The following INPP5D variants were observed in gnomAD, a reference collection of about 807,000 sequenced individuals.
INPP5D encodes phosphatidylinositol 3,4,5-trisphosphate 5-phosphatase 1.
Under a neutral mutation model 122.9 loss-of-function variants are expected in INPP5D, and 33 were observed. The ratio of observed to expected loss-of-function variants is 0.27; its 90% CI spans 0.20 to 0.36. INPP5D has a LOEUF of 0.36. Among genes scored for constraint, INPP5D ranks in the 10% least tolerant of loss-of-function variants. INPP5D has a pLI of 1.00. For synonymous variants in INPP5D, 584 were observed against 576.2 expected, an observed-to-expected ratio of 1.01 and a Z score of -0.19; for missense variants, 1,053 against 1,412.7, an observed-to-expected ratio of 0.75 and a Z score of 4.08.
At chr2:233,153,156 A>G (rs1186979340) in intron 9 of INPP5D, among the ~76,000 whole-genome samples, 1 of 152,188 alleles carries the variant, frequency 6.6e-6, no homozygotes. Flanking sequence ...ACTGACTCTG[A>G]TGGAATAATA....
rs1439194337 is a variant in INPP5D, at chr2:233,189,690, G to A, written c.2359-160G>A. Among the ~76,000 whole-genome samples the A allele has an allele frequency of 6.6e-6, 1 of 152,120 alleles. No individual in the cohort carries two copies. The highest frequency in any genetic ancestry group is 1.5e-5 in the Non-Finnish European group (1 of 67,998). On this transcript the variant is annotated intron_variant, in intron 21 of 26. Coordinates refer to ENST00000445964, the MANE Select transcript of INPP5D (RefSeq NM_001017915.3). The surrounding 1 kb of genome is among the most constrained non-coding windows in gnomAD (Gnocchi z 5.6). ...CCCCACCTTGCTGGACAGGGTGTAT[G>A]TGAAAGCTATACCCCACCTGCTCTC...
Position 233,182,424 on chromosome 2 carries a change from A to G in INPP5D, c.2086A>G (p.Ile696Val), listed in dbSNP as rs374965360. 4 of 1,613,612 alleles carry G rather than the reference A, an allele frequency of 2.5e-6. No homozygotes were observed. The African/African-American group carries it at 4.0e-5, about 16-fold the overall frequency. ...CTCCCCTGCAGGCAGTACCAGCGAC[A>G]TCATGACGAGTGACCACAGCCCTGT... Reference protein sequence around the residue: ...VCQSYGSTSDIMTSDHSPVFA... With the variant: ...VCQSYGSTSDVMTSDHSPVFA... Residue 696 changes from isoleucine to valine, a missense_variant, in exon 19 of 27, where the codon ATC becomes GTC. Ile to Val is a conservative substitution (Grantham distance 29). This residue lies in a region of INPP5D where 258 missense variants were observed against 439.1 expected (regional missense o/e 0.59). Coordinates refer to ENST00000445964, the MANE Select transcript of INPP5D (RefSeq NM_001017915.3).
chr2:233,084,712 C>T (rs1051758876), intron 2 of INPP5D, among the ~76,000 whole-genome samples: 9 of 152,214 alleles, frequency 5.9e-5, no homozygotes, highest in Admixed American at 2.0e-4. Context: ...TCTGAGCCGC[C>T]GGGCAAAGGA....
chr2:233,165,549 A>T (rs1337949123), intron 13 of INPP5D, among the ~76,000 whole-genome samples: 3 of 129,330 alleles, frequency 2.3e-5, no homozygotes, highest in Non-Finnish European at 5.0e-5. Context: ...TGAGTGTGTG[A>T]GTGTCTATGT....
chr2:233,088,734 G>A lies in INPP5D; in HGVS notation c.198+9336G>A, dbSNP rs59721961. On this transcript the variant is annotated intron_variant, in intron 2 of 26. Coordinates refer to ENST00000445964, the MANE Select transcript of INPP5D (RefSeq NM_001017915.3). ...TCGCTGACACCAACATGGGGTCACC[G>A]GGCAGAGGCCCCGGCCCATGACTGG... Among the ~76,000 whole-genome samples the A allele has an allele frequency of 4.0e-3, 613 of 152,344 alleles. 3 individuals are homozygous for A. The highest frequency in any genetic ancestry group is 0.014 in the African/African-American group (589 of 41,586).
chr2:233,095,070 C>A (rs559829276), intron 2 of INPP5D, among the ~76,000 whole-genome samples: 1 of 152,320 alleles, frequency 6.6e-6, no homozygotes, highest in Non-Finnish European at 1.5e-5. Flanking sequence ...GAAGAGGGAA[C>A]TGCTTAAATA....
In INPP5D at chr2:233,189,160, C is replaced by T. The variant is rs552635423; in HGVS notation, c.2359-690C>T. On this transcript the variant is annotated intron_variant, in intron 21 of 26. Transcript: ENST00000445964. The surrounding 1 kb of genome is among the most constrained non-coding windows in gnomAD (Gnocchi z 5.6). ...TGTGCAAAGCCTGTTAGCAGCCACC[C>T]CCGCTGCCAGCCAGGCCAGCAGGGC... Among the ~76,000 whole-genome samples the T allele has an allele frequency of 1.7e-4, 26 of 152,318 alleles. No individual in the cohort carries two copies. The South Asian group carries it at 5.4e-3, about 32-fold the overall frequency.
chr2:233,147,873 A>G (rs1471348479), intron 9 of INPP5D, among the ~76,000 whole-genome samples: 1 of 152,182 alleles, frequency 6.6e-6, no homozygotes, highest in Non-Finnish European at 1.5e-5. Context: ...CTAAACTGTG[A>G]GTACATGGAC....
intron 13 of INPP5D, among the ~76,000 whole-genome samples, chr2:233,168,484 G>T (rs1487820945): frequency 6.6e-6 from 1 of 152,176 alleles, no homozygotes; most frequent in Non-Finnish European, 1.5e-5. Flanking sequence ...GGCTCTTTGG[G>T]CCACACAACT....
intron 1 of INPP5D, among the ~76,000 whole-genome samples, chr2:233,063,624 G>A (rs1444273340): frequency 6.6e-6 from 1 of 152,252 alleles, no homozygotes; most frequent in Admixed American, 6.5e-5. Context: ...AGAGAGGTCA[G>A]CCCCGTCACC....
rs1284818849 is a variant in INPP5D, at chr2:233,130,502, C to CT, written c.525-3dup. 2.5e-6 allele frequency: 4 copies of CT among 1,609,356 alleles called. No homozygotes were observed. Among genetic ancestry groups the CT allele is most frequent in the African/African-American group, 1.3e-5 (1 of 74,440 alleles). On this transcript the variant is annotated splice_region_variant and splice_polypyrimidine_tract_variant and intron_variant, in intron 4 of 26. Transcript: ENST00000445964. ...GCATAGTTTGTTTCTTTTTTCTTTT[C>CT]TTTAGGCTTCCAGAAGAGCATCTTA...
At chr2:233,162,020 A>G (rs1694211804) in intron 11 of INPP5D, among the ~76,000 whole-genome samples, 194 bp downstream of exon 11, 1 of 152,170 alleles carries the variant, frequency 6.6e-6, no homozygotes, top group Non-Finnish European at 1.5e-5. Context: ...GATGATGGGT[A>G]AGAAAAACGA....
At chr2:233,178,366 T>C (rs1391283133) in intron 18 of INPP5D, among the ~76,000 whole-genome samples, 1 of 152,228 alleles carries the variant, frequency 6.6e-6, no homozygotes, top group Non-Finnish European at 1.5e-5. Context: ...GAAAAGCTAC[T>C]GATTAGTTCC....
chr2:233,123,256 C>T (rs1045036167), intron 3 of INPP5D, among the ~76,000 whole-genome samples: 4 of 152,084 alleles, frequency 2.6e-5, no homozygotes. Flanking sequence ...GAGATCGAGA[C>T]CATCCTGGCC....
At chr2:233,097,202 T>A (rs765824855) in intron 2 of INPP5D, among the ~76,000 whole-genome samples, 1 of 152,182 alleles carries the variant, frequency 6.6e-6, no homozygotes, top group Non-Finnish European at 1.5e-5. Flanking sequence ...CATTGATAGA[T>A]TAATCTACTC....
At chr2:233,130,313 G>A (rs1322433551) in intron 4 of INPP5D, among the ~76,000 whole-genome samples, 195 bp from the exon 5 acceptor site, 1 of 152,106 alleles carries the variant, frequency 6.6e-6, no homozygotes, top group African/African-American at 2.4e-5. Flanking sequence ...ACTTCTTCTT[G>A]CTCTGACCTG....
At chr2:233,184,359 C>T in intron 19 of INPP5D, 49 bp from the exon 20 acceptor site, 1 of 1,600,218 alleles carries the variant, frequency 6.2e-7, no homozygotes, top group Non-Finnish European at 8.5e-7. Context: ...TGAAATGCTC[C>T]ATCTCCAGGC....
At position 233,189,970 on chromosome 2, in the gene INPP5D, T is replaced by A; in HGVS notation, c.2446+33T>A. The A allele has an allele frequency of 1.2e-6, 2 of 1,608,210 alleles. No individual in the cohort carries two copies. The highest frequency in any genetic ancestry group is 1.7e-6 in the Non-Finnish European group (2 of 1,177,382). On this transcript the variant is annotated intron_variant, in intron 22 of 26. Coordinates refer to ENST00000445964, the MANE Select transcript of INPP5D (RefSeq NM_001017915.3). This position sits in a 1 kb window ranked among gnomAD's most constrained non-coding sequence, Gnocchi z 5.6. ...TCTGTGGGCAGGTGCCACACCTGCC[T>A]GTGAACTGGCGGCCTCTGACGTAGC...
chr2:233,174,416 C>A (rs1185846355), intron 17 of INPP5D, among the ~76,000 whole-genome samples: 2 of 152,228 alleles, frequency 1.3e-5, no homozygotes. Context: ...TATATGCAGT[C>A]CATTACTGTG....
Sources: gnomAD v4.1 joint callset for allele counts (sites outside exome capture counted in the v4.1 genomes callset) on GRCh38, gnomAD v4.1.1 for gene constraint, gnomAD v4.1.1 regional missense constraint, Gnocchi (gnomAD v3.1) non-coding constraint, MANE v1.5 for transcripts, NCBI Gene and HGNC (gene_info 2026-07-23, HGNC 2026-07-21) for gene names.